The following FAM110C variants were observed in gnomAD, a reference collection of about 807,000 sequenced individuals.
The protein encoded by FAM110C is family with sequence similarity 110 member C.
In FAM110C, 19 loss-of-function variants were observed where a neutral mutation model predicts 15.7. The observed-to-expected ratio is 1.21, with a 90% CI of 0.85 to 1.78. FAM110C has a LOEUF of 1.78. FAM110C is among the 40% of genes most tolerant of loss of function. The probability of loss-of-function intolerance (pLI) is 0.00; values close to 1 mark genes in which losing one functional copy is unlikely to be tolerated. For missense variants in FAM110C, 547 were observed against 495.7 expected (o/e 1.10, Z -0.98); for synonymous variants, 275 against 233.9 (o/e 1.18, Z -1.61).
chr2:45,635 C>T lies in FAM110C; in HGVS notation c.751G>A (p.Val251Met), dbSNP rs878974507. Residue 251 changes from valine (V) to methionine (M), a missense_variant, in exon 1 of 2, where the codon GTG becomes ATG. Physicochemically the swap from Val to Met is conservative, Grantham distance 21. Coordinates refer to ENST00000327669, the MANE Select transcript of FAM110C (RefSeq NM_001077710.3). The stretch of plus-strand genomic sequence containing the variant: ...CCGCTGCCGGAGGTGGCGACGCTCA[C>T]GCTGCGCACCTTGAGGGTCACACAG... ...SDCVTLKVRS[V>M]SVATSGSGFS... 6.2e-7 allele frequency: 1 copy of T among 1,612,762 alleles called. No individual in the cohort carries two copies. Among genetic ancestry groups the T allele is most frequent in the Non-Finnish European group, 8.5e-7 (1 of 1,179,672 alleles).
Position 45,891 on chromosome 2 carries a change from G to T in FAM110C, c.495C>A (p.Pro165=), listed in dbSNP as rs1168267949. The T allele has an allele frequency of 6.3e-6, 9 of 1,429,298 alleles. No homozygotes were observed. The highest frequency in any genetic ancestry group is 8.1e-6 in the Non-Finnish European group (9 of 1,106,272). The allele number at this position is 1,429,298 out of a possible 1,614,324, so 88.5% of individuals were successfully genotyped here. Residue 165 remains proline (P), a synonymous_variant, in exon 1 of 2, where the codon CCC becomes CCA. Transcript: ENST00000327669. ...ACCGCGCGGCTGGGGCTGGGGTCTC[G>T]GGGATTGCGGGGTCCGCCGCGGGGC... ...TPGPAADPAI[P]ETPAPAARSA... is the part of the protein sequence containing the mutation.
Position 46,333 on chromosome 2 carries a change from C to A in FAM110C, c.53G>T (p.Arg18Leu). The stretch of plus-strand genomic sequence containing the variant: ...GGGGTCCCGGGTAGCCGCGGGGTCC[C>A]GGGGAAGGAGCCGCTCGTTCGGGGG... Reference protein sequence around the residue: ...SAPPNERLLPRDPAATRDPDA... With the variant: ...SAPPNERLLPLDPAATRDPDA... The change falls in exon 1 of 2, where the codon CGG becomes CTG. Residue 18 changes from arginine to leucine, a missense_variant. Coordinates refer to ENST00000327669, the MANE Select transcript of FAM110C (RefSeq NM_001077710.3). 2 of 1,317,822 alleles carry A rather than the reference C, an allele frequency of 1.5e-6. No homozygotes were observed. Among genetic ancestry groups the A allele is most frequent in the South Asian group, 2.2e-5 (1 of 46,408 alleles). The allele number at this position is 1,317,822 out of a possible 1,614,324, so 81.6% of individuals were successfully genotyped here. A position where few individuals can be genotyped will look rare whatever the true frequency, so the allele number is the denominator to read the frequency against.
At chr2:41,993 T>A (rs1343273225) in intron 1 of FAM110C, 3 of 985,280 alleles carry the variant, frequency 3.0e-6, no homozygotes, top group African/African-American at 1.7e-5. Context: ...ATGCAGGCAG[T>A]TGAACTAAAT....
In FAM110C at chr2:41,177, A is replaced by G. The variant is rs568687781; in HGVS notation, c.*431T>C. 6.2e-6 allele frequency: 1 copy of G among 161,476 alleles called. No homozygotes were observed. The highest frequency in any genetic ancestry group is 2.0e-4 in the South Asian group (1 of 4,934). 10.0% of individuals were successfully genotyped at this position (161,476 alleles called of 1,614,324 possible). On this transcript the variant is annotated 3_prime_UTR_variant, in exon 2 of 2. Coordinates refer to ENST00000327669, the MANE Select transcript of FAM110C (RefSeq NM_001077710.3). The stretch of plus-strand genomic sequence containing the variant: ...CCTTTTTATGATTACTTTGATTTAA[A>G]TGATGTTAATCAGCCCAGGATGGTC...
intron 1 of FAM110C, chr2:41,969 C>T: frequency 1.0e-6 from 1 of 985,318 alleles, no homozygotes; most frequent in Non-Finnish European, 1.2e-6. Context: ...AGTTGGACAA[C>T]AAAATAGGAA....
In FAM110C at chr2:42,310, G is replaced by A. The variant is rs1156808999; in HGVS notation, c.947-683C>T. ...CAAGGATAAATGTGAAGATAGCTGT[G>A]GAATTGTCCGAACATTTTTGCCTTG... On this transcript the variant is annotated intron_variant, in intron 1 of 1. Transcript: ENST00000327669. The A allele has an allele frequency of 6.1e-6, 6 of 985,182 alleles. No homozygotes were observed. The African/African-American group carries it at 1.0e-4, about 17-fold the overall frequency. 61.0% of individuals were successfully genotyped at this position (985,182 alleles called of 1,614,324 possible).
intron 1 of FAM110C, chr2:43,087 G>A (rs1175940517): frequency 1.1e-5 from 11 of 985,376 alleles, no homozygotes; most frequent in Non-Finnish European, 1.3e-5. Context: ...AGCAGACACT[G>A]TTCCGGTGAT....
At chr2:44,176 A>G in intron 1 of FAM110C, 1 of 985,452 alleles carries the variant, frequency 1.0e-6, no homozygotes, top group Non-Finnish European at 1.2e-6. Context: ...TTTGCTTTTT[A>G]GAACTTTGCC....
rs1209829867 is a variant in FAM110C at position 39,843 on chromosome 2, G to A, written c.*1765C>T. On this transcript the variant is annotated 3_prime_UTR_variant, in exon 2 of 2. Coordinates refer to ENST00000327669, the MANE Select transcript of FAM110C (RefSeq NM_001077710.3). ...GGACATCTGAAAATAAGGGAATTGG[G>A]TATATGAAAAGATCCTTTAAAAAAC... 2 of 152,124 alleles carry A rather than the reference G, an allele frequency of 1.3e-5. No individual in the cohort carries two copies. Among genetic ancestry groups the A allele is most frequent in the South Asian group, 2.1e-4 (1 of 4,826 alleles). The allele number at this position is 152,124 out of a possible 1,614,324, so 9.4% of individuals were successfully genotyped here.
Position 41,547 on chromosome 2 carries a change from C to G in FAM110C, c.*61G>C. On this transcript the variant is annotated 3_prime_UTR_variant, in exon 2 of 2. Coordinates refer to ENST00000327669, the MANE Select transcript of FAM110C (RefSeq NM_001077710.3). ...AACAGCAATCATGTGGTCACCTAGG[C>G]ACACTAGCCAAATGGTCCTGGGATC... 1.3e-6 allele frequency: 2 copies of G among 1,598,486 alleles called. No homozygotes were observed. The highest frequency in any genetic ancestry group is 1.7e-5 in the Admixed American group (1 of 58,612).
intron 1 of FAM110C, chr2:44,119 A>T (rs368335919): frequency 1.0e-6 from 1 of 985,316 alleles, no homozygotes; most frequent in African/African-American, 1.7e-5. Flanking sequence ...GCATTCATTC[A>T]TCTCAGATCC....
chr2:46,305 G>A lies in FAM110C; in HGVS notation c.81C>T (p.Asp27=), dbSNP rs1664310076. 5 of 1,331,680 alleles carry A rather than the reference G, an allele frequency of 3.8e-6. No homozygotes were observed. The highest frequency in any genetic ancestry group is 4.0e-5 in the Admixed American group (1 of 25,294). The allele number at this position is 1,331,680 out of a possible 1,614,324, so 82.5% of individuals were successfully genotyped here. Residue 27 remains aspartate, a synonymous_variant, in exon 1 of 2, where the codon GAC becomes GAT. Coordinates refer to ENST00000327669, the MANE Select transcript of FAM110C (RefSeq NM_001077710.3). ...CGCTCCTGCGCGCCGGCCGCGCGGC[G>A]TCGGGGTCCCGGGTAGCCGCGGGGT... ...PRDPAATRDP[D]AARPARRSAV...
chr2:45,519 C>T lies in FAM110C; in HGVS notation c.867G>A (p.Arg289=). 1 of 1,614,154 alleles carries T rather than the reference C, an allele frequency of 6.2e-7. No individual in the cohort carries two copies. The highest frequency in any genetic ancestry group is 8.5e-7 in the Non-Finnish European group (1 of 1,180,018). Residue 289 remains arginine, a synonymous_variant, in exon 1 of 2, where the codon AGG becomes AGA. Transcript: ENST00000327669. ...QVPSTTSVIE[R]NARIIKWLYT... is the part of the protein sequence containing the mutation. ...ACAGCCACTTGATGATGCGGGCGTTCCTCTCGATGACCGAAGTGGTGCTGG... is the reference window on the plus strand; with the variant it reads ...ACAGCCACTTGATGATGCGGGCGTTTCTCTCGATGACCGAAGTGGTGCTGG...
Position 41,592 on chromosome 2 carries a change from C to T in FAM110C, c.*16G>A. 6.2e-7 allele frequency: 1 copy of T among 1,613,768 alleles called. No homozygotes were observed. The highest frequency in any genetic ancestry group is 8.5e-7 in the Non-Finnish European group (1 of 1,179,870). On this transcript the variant is annotated 3_prime_UTR_variant, in exon 2 of 2. Coordinates refer to ENST00000327669, the MANE Select transcript of FAM110C (RefSeq NM_001077710.3). ...GGGATCCCAAATCACCCATGAAATCCTTCAAGAAGTCTTCATCATCGGGAA... is the reference window on the plus strand; with the variant it reads ...GGGATCCCAAATCACCCATGAAATCTTTCAAGAAGTCTTCATCATCGGGAA...
At chr2:44,889 TGGA>T in intron 1 of FAM110C, 4 of 985,440 alleles carry the variant, frequency 4.1e-6, no homozygotes, top group Non-Finnish European at 4.8e-6. Context: ...CAAGATCCTG[TGGA>T]GAAGTTCTCA....
chr2:46,008 G>A lies in FAM110C; in HGVS notation c.378C>T (p.Leu126=), dbSNP rs746210305. The A allele has an allele frequency of 8.1e-6, 12 of 1,477,888 alleles. No homozygotes were observed. The East Asian group carries it at 1.3e-4, about 16-fold the overall frequency. 91.5% of individuals were successfully genotyped at this position (1,477,888 alleles called of 1,614,324 possible). A position where few individuals can be genotyped will look rare whatever the true frequency, so the allele number is the denominator to read the frequency against. Residue 126 remains leucine (L), a synonymous_variant, in exon 1 of 2, where the codon CTC becomes CTT. Coordinates refer to ENST00000327669, the MANE Select transcript of FAM110C (RefSeq NM_001077710.3). Reference sequence around the variant, plus strand: ...CCTTGTCCTTACCCGGCCCCTGGAAGAGCTTCTTCACCAGGCTTGCCCTGG... The same window carrying A: ...CCTTGTCCTTACCCGGCCCCTGGAAAAGCTTCTTCACCAGGCTTGCCCTGG... ...DGPRASLVKK[L]FQGPGKDKAP... is the part of the protein sequence containing the mutation.
Position 46,234 on chromosome 2 carries a change from C to G in FAM110C, c.152G>C (p.Arg51Pro). The G allele has an allele frequency of 7.1e-7, 1 of 1,401,768 alleles. No homozygotes were observed. Among genetic ancestry groups the G allele is most frequent in the East Asian group, 3.1e-5 (1 of 32,718 alleles). 86.8% of individuals were successfully genotyped at this position (1,401,768 alleles called of 1,614,324 possible). A position where few individuals can be genotyped will look rare whatever the true frequency, so the allele number is the denominator to read the frequency against. ...AADRAKYVRG[R>P]PGTGRGVASE... ...AGCGACGCCCCGGCCAGTCCCCGGCCGACCCCGCACATACTTGGCGCGATC... is the reference window on the plus strand; with the variant it reads ...AGCGACGCCCCGGCCAGTCCCCGGCGGACCCCGCACATACTTGGCGCGATC... The change falls in exon 1 of 2, where the codon CGG becomes CCG. Residue 51 changes from arginine to proline, a missense_variant. By Grantham distance (103) the Arg-to-Pro change is moderately radical. Coordinates refer to ENST00000327669, the MANE Select transcript of FAM110C (RefSeq NM_001077710.3).
chr2:45,159 G>T, intron 1 of FAM110C: 1 of 985,426 alleles, frequency 1.0e-6, no homozygotes, highest in Non-Finnish European at 1.2e-6. Flanking sequence ...AGCCAAATGG[G>T]ACATATTAAT....
Position 45,989 on chromosome 2 carries a change from C to G in FAM110C, c.397G>C (p.Asp133His). The change falls in exon 1 of 2, where the codon GAC becomes CAC. Residue 133 changes from aspartate to histidine, a missense_variant. Coordinates refer to ENST00000327669, the MANE Select transcript of FAM110C (RefSeq NM_001077710.3). ...VKKLFQGPGK[D>H]KAPVPRTGDE... ...CCCGTCCGGGGCACCGGCGCCTTGT[C>G]CTTACCCGGCCCCTGGAAGAGCTTC... 1 of 1,466,968 alleles carries G rather than the reference C, an allele frequency of 6.8e-7. No homozygotes were observed. The highest frequency in any genetic ancestry group is 2.7e-5 in the East Asian group (1 of 37,612). 90.9% of individuals were successfully genotyped at this position (1,466,968 alleles called of 1,614,324 possible).
Sources: allele counts gnomAD v4.1 joint callset, GRCh38; gene constraint gnomAD v4.1.1; transcripts MANE v1.5; gene names NCBI Gene and HGNC (gene_info 2026-07-23, HGNC 2026-07-21).